The following LRRTM3 variants were observed in gnomAD, a reference collection of about 807,000 sequenced individuals.
The protein encoded by LRRTM3 is leucine rich repeat transmembrane neuronal 3, also known as leucine-rich repeat transmembrane neuronal protein 3.
A neutral mutation model predicts 44.7 loss-of-function variants in LRRTM3; 24 were observed. The observed-to-expected ratio is 0.54, with a 90% CI of 0.39 to 0.76. LRRTM3 has a LOEUF of 0.76. LRRTM3 is among the 30% of genes least tolerant of loss of function. The probability of loss-of-function intolerance (pLI) is 0.00; values close to 1 mark genes in which losing one functional copy is unlikely to be tolerated. For synonymous variants in LRRTM3, 277 were observed against 278.7 expected (o/e 0.99, Z 0.06); for missense variants, 587 against 702.2 (o/e 0.84, Z 1.85).
At chr10:66,957,748 C>T (rs984581865) in intron 2 of LRRTM3, among the ~76,000 whole-genome samples, 2 of 151,910 alleles carry the variant, frequency 1.3e-5, no homozygotes, top group Non-Finnish European at 2.9e-5. Flanking sequence ...CATCACCATC[C>T]TAAGGCAGAA....
At position 67,097,653 on chromosome 10, in the gene LRRTM3, G is replaced by T. The variant is rs1452938023; in HGVS notation, c.1603G>T (p.Val535Leu). 1.2e-6 allele frequency: 2 copies of T among 1,612,586 alleles called. No homozygotes were observed. The highest frequency in any genetic ancestry group is 1.7e-5 in the Admixed American group (1 of 59,838). Residue 535 changes from valine to leucine, a missense_variant, in exon 3 of 3, where the codon GTG becomes TTG. This residue lies in a region of LRRTM3 where 315 missense variants were observed against 335.6 expected (regional missense o/e 0.94). Transcript: ENST00000361320. Reference sequence around the variant, plus strand: ...CCAGCCCACAATAAGTTACTGTGGGGTGCATCATGAACTTCTCTCCCATAA... The same window carrying T: ...CCAGCCCACAATAAGTTACTGTGGGTTGCATCATGAACTTCTCTCCCATAA... ...YDQPTISYCG[V>L]HHELLSHKSF...
intron 2 of LRRTM3, among the ~76,000 whole-genome samples, chr10:67,078,629 G>A (rs944637526): frequency 2.0e-5 from 3 of 151,988 alleles, no homozygotes; most frequent in African/African-American, 7.3e-5. Context: ...CAATTCTCCT[G>A]CCTCAGCCTC....
chr10:67,085,845 A>G (rs889840361), intron 2 of LRRTM3, among the ~76,000 whole-genome samples: 1 of 152,040 alleles, frequency 6.6e-6, no homozygotes, highest in African/African-American at 2.4e-5. Flanking sequence ...ATCTAGAGAG[A>G]TAGATTATGT....
At chr10:67,088,464 G>A (rs1434942018) in intron 2 of LRRTM3, among the ~76,000 whole-genome samples, 1 of 151,750 alleles carries the variant, frequency 6.6e-6, no homozygotes, top group East Asian at 1.9e-4. Context: ...CATTTAAATA[G>A]TTAAGATTTT....
intron 2 of LRRTM3, among the ~76,000 whole-genome samples, chr10:67,060,879 G>GT: frequency 6.6e-6 from 1 of 152,260 alleles, no homozygotes; most frequent in East Asian, 1.9e-4. Flanking sequence ...ACTTTAACTA[G>GT]TTTTTTTAAA....
At chr10:66,940,376 A>C (rs1057051520) in intron 2 of LRRTM3, among the ~76,000 whole-genome samples, 4 of 152,244 alleles carry the variant, frequency 2.6e-5, no homozygotes, top group African/African-American at 9.6e-5. Flanking sequence ...CATGCTTGGA[A>C]GCTGAAGTGG....
At chr10:67,076,944 C>T (rs1299909813) in intron 2 of LRRTM3, among the ~76,000 whole-genome samples, 1 of 152,190 alleles carries the variant, frequency 6.6e-6, no homozygotes, top group Non-Finnish European at 1.5e-5. Flanking sequence ...AAAATCTCCT[C>T]GTCTTTATCA....
At chr10:67,045,483 C>T (rs1854673689) in intron 2 of LRRTM3, among the ~76,000 whole-genome samples, 1 of 152,062 alleles carries the variant, frequency 6.6e-6, no homozygotes, top group African/African-American at 2.4e-5. Flanking sequence ...GGCTGACTTT[C>T]AATAGATCGC....
Position 66,928,071 on chromosome 10 carries a change from C to G in LRRTM3, c.1155C>G (p.Pro385=), listed in dbSNP as rs145498713. The change falls in exon 2 of 3, where the codon CCC becomes CCG. Residue 385 remains proline (P), a synonymous_variant. Transcript: ENST00000361320. The part of the protein sequence containing the change: ...LPKPTFKPKL[P]RPKHESKPPL... ...AGCCGACGTTTAAGCCCAAGCTCCCCAGGCCGAAGCATGAGAGCAAACCCC... is the reference window on the plus strand; with the variant it reads ...AGCCGACGTTTAAGCCCAAGCTCCCGAGGCCGAAGCATGAGAGCAAACCCC... The G allele has an allele frequency of 1.2e-6, 2 of 1,614,070 alleles. No homozygotes were observed. Among genetic ancestry groups the G allele is most frequent in the Non-Finnish European group, 1.7e-6 (2 of 1,180,026 alleles).
chr10:67,057,976 C>G (rs1034056933), intron 2 of LRRTM3, among the ~76,000 whole-genome samples: 1 of 152,106 alleles, frequency 6.6e-6, no homozygotes, highest in Non-Finnish European at 1.5e-5. Context: ...GAATGATAGG[C>G]AATCAGCAGG....
chr10:67,074,383 C>A (rs1292731864), intron 2 of LRRTM3, among the ~76,000 whole-genome samples: 1 of 121,298 alleles, frequency 8.2e-6, no homozygotes, highest in African/African-American at 3.3e-5. Flanking sequence ...CGGAGTCTCG[C>A]TCTGTCGCCC....
At chr10:67,074,701 A>G (rs573290086) in intron 2 of LRRTM3, among the ~76,000 whole-genome samples, 2 of 152,316 alleles carry the variant, frequency 1.3e-5, no homozygotes, top group East Asian at 3.9e-4. Flanking sequence ...CCTTCTAAGA[A>G]TAGACATTTC....
chr10:67,025,022 C>A (rs1015700448), intron 2 of LRRTM3, among the ~76,000 whole-genome samples: 1 of 150,836 alleles, frequency 6.6e-6, no homozygotes, highest in African/African-American at 2.4e-5. Context: ...CTCAGCTACT[C>A]GGGAGGCTGA....
chr10:67,006,703 T>C (rs574955851), intron 2 of LRRTM3, among the ~76,000 whole-genome samples: 1 of 152,324 alleles, frequency 6.6e-6, no homozygotes, highest in South Asian at 2.1e-4. Context: ...ATGTAAACAT[T>C]TTAATGGTGA....
intron 2 of LRRTM3, among the ~76,000 whole-genome samples, chr10:67,059,410 A>C (rs1344730604): frequency 6.6e-6 from 1 of 152,178 alleles, no homozygotes; most frequent in Non-Finnish European, 1.5e-5. Flanking sequence ...GAAAACAATT[A>C]ATTGCAAAAA....
intron 2 of LRRTM3, among the ~76,000 whole-genome samples, chr10:67,009,152 A>T (rs1283181864): frequency 1.3e-5 from 2 of 152,170 alleles, no homozygotes; most frequent in Non-Finnish European, 2.9e-5. Context: ...ACCGTGATAC[A>T]GAATGCCATT....
chr10:67,070,143 T>C (rs1032724406), intron 2 of LRRTM3, among the ~76,000 whole-genome samples: 2 of 152,246 alleles, frequency 1.3e-5, no homozygotes, highest in Admixed American at 6.5e-5. Flanking sequence ...AGTATAATGA[T>C]TGTTGAAGTT....
intron 2 of LRRTM3, among the ~76,000 whole-genome samples, chr10:66,932,999 T>C (rs1458453634): frequency 6.6e-6 from 1 of 152,228 alleles, no homozygotes; most frequent in African/African-American, 2.4e-5. Context: ...AAGTTTCTCA[T>C]ATGTAACACA....
At chr10:67,042,002 C>T (rs1228596755) in intron 2 of LRRTM3, among the ~76,000 whole-genome samples, 1 of 151,944 alleles carries the variant, frequency 6.6e-6, no homozygotes, top group African/African-American at 2.4e-5. Context: ...TTGAAGTAAC[C>T]TTAAAGTACG....
Sources: allele counts gnomAD v4.1 joint callset (sites outside exome capture counted in the v4.1 genomes callset), GRCh38; gene constraint gnomAD v4.1.1; regional missense constraint gnomAD v4.1.1; transcripts MANE v1.5; gene names NCBI Gene and HGNC (gene_info 2026-07-23, HGNC 2026-07-21).